PSMG2: variants seen among roughly 807,000 people sequenced by gnomAD.
PSMG2 encodes the protein CD40 ligand-activated specific transcript 3.
In PSMG2, 21 loss-of-function variants were observed where a neutral mutation model predicts 31.5. The ratio of observed to expected loss-of-function variants is 0.67; its 90% CI spans 0.47 to 0.96. The LOEUF is 0.96. Among genes scored for constraint, PSMG2 ranks in the 40% least tolerant of loss-of-function variants. The pLI, the probability that PSMG2 is intolerant of heterozygous loss-of-function variation, is 0.00. For missense variants in PSMG2, 318 were observed against 321.2 expected, an observed-to-expected ratio of 0.99 and a Z score of 0.08; for synonymous variants, 120 against 110.4, an observed-to-expected ratio of 1.09 and a Z score of -0.54.
At chr18:12,662,191 G>GAAA (rs5823232) in intron 1 of PSMG2, 34 of 389,962 alleles carry the variant, frequency 8.7e-5, no homozygotes, top group Non-Finnish European at 1.1e-4. Flanking sequence ...CACCAGAAAG[G>GAAA]AAAAAAAAAA....
intron 2 of PSMG2, among the ~76,000 whole-genome samples, chr18:12,709,586 C>T (rs1307627928): frequency 6.6e-6 from 1 of 151,930 alleles, no homozygotes; most frequent in African/African-American, 2.4e-5. Flanking sequence ...GCAACCTCCA[C>T]CTCCCGGGTT....
At chr18:12,674,688 A>G (rs1392900106) in intron 1 of PSMG2, 2 of 1,614,150 alleles carry the variant, frequency 1.2e-6, no homozygotes, top group South Asian at 1.1e-5. Flanking sequence ...CAAATTCATA[A>G]GAAGCCAAAG....
chr18:12,712,711 T>G lies in PSMG2; in HGVS notation c.239T>G (p.Leu80Trp). Residue 80 changes from leucine to tryptophan, a missense_variant, in exon 3 of 7, where the codon TTG becomes TGG. Leu to Trp is a moderately conservative substitution (Grantham distance 61). Transcript: ENST00000317615. The stretch of plus-strand genomic sequence containing the variant: ...CTTCTTGTTTTTATAGTGTATTCAT[T>G]GCCTTCAAGAAAGCTGGTGGCTCTA... ...ELSINAEVYS[L>W]PSRKLVALQL... The G allele has an allele frequency of 6.2e-7, 1 of 1,601,792 alleles. No individual in the cohort carries two copies. The highest frequency in any genetic ancestry group is 8.5e-7 in the Non-Finnish European group (1 of 1,170,284).
intron 4 of PSMG2, 100 bp from the exon 5 acceptor site, chr18:12,720,410 T>C: frequency 1.1e-6 from 1 of 946,136 alleles, no homozygotes; most frequent in Non-Finnish European, 1.5e-6. Flanking sequence ...ACTTGTGTTT[T>C]GCCTGTGCAG....
upstream of PSMG2, chr18:12,702,696 G>T: frequency 1.2e-6 from 1 of 865,050 alleles, no homozygotes; most frequent in Non-Finnish European, 1.7e-6. Flanking sequence ...ACGCAACGCC[G>T]CGTCAGGCCG....
intron 6 of PSMG2, 127 bp downstream of exon 6, chr18:12,724,746 A>AGATATAC (rs1461602499): frequency 1.9e-6 from 2 of 1,064,182 alleles, no homozygotes. Context: ...CTTTACATAA[A>AGATATAC]ATTTAGTTTA....
intron 1 of PSMG2, chr18:12,678,289 A>G (rs2039217414): frequency 6.2e-7 from 1 of 1,614,160 alleles, no homozygotes; most frequent in Non-Finnish European, 8.5e-7. Context: ...CATCGTTCAA[A>G]TCAAATACAC....
At chr18:12,714,487 CTTTT>C (rs11331115) in intron 3 of PSMG2, among the ~76,000 whole-genome samples, 2 of 141,434 alleles carry the variant, frequency 1.4e-5, no homozygotes, top group Non-Finnish European at 3.1e-5. Flanking sequence ...TCCTTTCTTC[CTTTT>C]TTTTTTTTTT....
intron 1 of PSMG2, among the ~76,000 whole-genome samples, chr18:12,683,983 CTAAA>C (rs1420415212): frequency 6.7e-6 from 1 of 149,966 alleles, no homozygotes; most frequent in African/African-American, 2.4e-5. Flanking sequence ...AGTAAAAAAT[CTAAA>C]TATATATATG....
Position 12,697,677 on chromosome 18 carries a change from T to C in PSMG2, c.-36-8873T>C, listed in dbSNP as rs536865502. On this transcript the variant is annotated intron_variant, in intron 1 of 6. Coordinates refer to the PSMG2 transcript ENST00000585331. ...TCTGATTCATAAGATAAGTCTGTTC[T>C]TTAAAAGTACTTAACTAAAGTATAT... Among the ~76,000 whole-genome samples, 3 of 152,306 alleles carry C rather than the reference T, an allele frequency of 2.0e-5. No individual in the cohort carries two copies. The East Asian group carries it at 5.8e-4, about 29-fold the overall frequency.
chr18:12,714,951 C>CG (rs2040363956), intron 3 of PSMG2, among the ~76,000 whole-genome samples: 1 of 150,448 alleles, frequency 6.6e-6, no homozygotes. Context: ...GTGATCCACC[C>CG]ACTCCACCCA....
At chr18:12,720,900 TCA>T (rs1381362171) in intron 5 of PSMG2, among the ~76,000 whole-genome samples, 3 of 152,200 alleles carry the variant, frequency 2.0e-5, no homozygotes, top group African/African-American at 7.2e-5. Context: ...GCACGGTGGC[TCA>T]CACTTGTAAT....
chr18:12,698,119 T>C (rs956755537), upstream of PSMG2, among the ~76,000 whole-genome samples: 4 of 151,820 alleles, frequency 2.6e-5, no homozygotes, highest in Non-Finnish European at 1.5e-5. Context: ...AAAATTAAAA[T>C]GACAGTTATA....
At chr18:12,717,633 C>G (rs777374026) in intron 3 of PSMG2, among the ~76,000 whole-genome samples, 4 of 152,232 alleles carry the variant, frequency 2.6e-5, no homozygotes, top group Non-Finnish European at 5.9e-5. Flanking sequence ...ACTCAAATTT[C>G]CACAGCTGTT....
intron 1 of PSMG2, among the ~76,000 whole-genome samples, chr18:12,668,299 A>C (rs2038847259): frequency 6.6e-6 from 1 of 151,386 alleles, no homozygotes; most frequent in Non-Finnish European, 1.5e-5. Flanking sequence ...TGGCCAAAAA[A>C]AGTGGATGGA....
intron 1 of PSMG2, chr18:12,684,413 C>T (rs749910591): frequency 6.6e-6 from 1 of 151,844 alleles, no homozygotes; most frequent in Non-Finnish European, 1.5e-5. Flanking sequence ...CCATGCCTGG[C>T]CTGCTGTCAC....
chr18:12,661,622 A>C (rs1274587995), intron 1 of PSMG2, among the ~76,000 whole-genome samples: 1 of 151,722 alleles, frequency 6.6e-6, no homozygotes, highest in Non-Finnish European at 1.5e-5. Context: ...AAATGCAAAG[A>C]AAATTAGCCA....
At position 12,695,852 on chromosome 18, in the gene PSMG2, CCACA is replaced by C. The variant is rs375916938; in HGVS notation, c.-36-10668_-36-10665del. Among the ~76,000 whole-genome samples, 1,125 of 148,344 alleles carry C rather than the reference CCACA, an allele frequency of 7.6e-3. 13 individuals carry two copies. Among genetic ancestry groups the C allele is most frequent in the South Asian group, 0.016 (74 of 4,642 alleles). Reference sequence around the variant, plus strand: ...CAACTGTTAACACCTCATTCCTTCTCCACACACACACACACACACACACACACAC... The same window carrying C: ...CAACTGTTAACACCTCATTCCTTCTCCACACACACACACACACACACACAC... On this transcript the variant is annotated intron_variant, in intron 1 of 6. Coordinates refer to the PSMG2 transcript ENST00000585331.
chr18:12,721,906 G>A (rs1392802091), intron 5 of PSMG2, among the ~76,000 whole-genome samples: 3 of 151,954 alleles, frequency 2.0e-5, no homozygotes, highest in Admixed American at 6.6e-5. Context: ...TGCATGCCCT[G>A]GGATTTGACA....
Sources: gnomAD v4.1 joint callset for allele counts (sites outside exome capture counted in the v4.1 genomes callset) on GRCh38, gnomAD v4.1.1 for gene constraint, MANE v1.5 for transcripts, NCBI Gene and HGNC (gene_info 2026-07-23, HGNC 2026-07-21) for gene names.